PRKD1: variants seen among roughly 807,000 people sequenced by gnomAD.
The protein encoded by PRKD1 is serine/threonine-protein kinase D1.
In PRKD1, 63 loss-of-function variants were observed where a neutral mutation model predicts 95.9. That is an observed-to-expected ratio of 0.66 (90% confidence interval 0.54 to 0.81). The LOEUF (loss-of-function observed/expected upper bound fraction) is 0.81. PRKD1 is among the 30% of genes least tolerant of loss of function. PRKD1 has a pLI of 0.00. For missense variants in PRKD1, 1,048 were observed against 1,165.3 expected (o/e 0.90, Z 1.47); for synonymous variants, 425 against 423.1 (o/e 1.00, Z -0.05).
chr14:29,687,373 G>A (rs1457910271), intron 2 of PRKD1, among the ~76,000 whole-genome samples: 1 of 152,152 alleles, frequency 6.6e-6, no homozygotes, highest in African/African-American at 2.4e-5. Flanking sequence ...TAGGAGTGGA[G>A]AGAAGAGAAA....
Sources: allele counts gnomAD v4.1 joint callset (sites outside exome capture counted in the v4.1 genomes callset), GRCh38; gene constraint gnomAD v4.1.1; transcripts MANE v1.5; gene names NCBI Gene and HGNC (gene_info 2026-07-23, HGNC 2026-07-21).